TACR1: variants seen among roughly 807,000 people sequenced by gnomAD.
The protein encoded by TACR1 is tachykinin receptor 1, also known as substance-P receptor.
TACR1 carries 25 observed loss-of-function variants against 35.8 expected under a neutral mutation model. That is an observed-to-expected ratio of 0.70 (90% CI 0.51 to 0.98). The LOEUF (loss-of-function observed/expected upper bound fraction) is 0.98, where lower values mean the gene tolerates loss of function less well. Ranked by LOEUF, TACR1 falls within the 50% of genes least tolerant of loss-of-function variation. TACR1 has a pLI of 0.00. For missense variants in TACR1, 478 were observed against 522.9 expected, an observed-to-expected ratio of 0.91 and a Z score of 0.84; for synonymous variants, 195 against 206.7, an observed-to-expected ratio of 0.94 and a Z score of 0.48.
intron 1 of TACR1, among the ~76,000 whole-genome samples, chr2:75,158,845 C>G (rs561272277): frequency 1.3e-5 from 2 of 152,144 alleles, no homozygotes; most frequent in Non-Finnish European, 2.9e-5. Flanking sequence ...TCAAACGGTC[C>G]CATGTCCCAG....
chr2:75,181,735 T>G (rs548420753), intron 1 of TACR1, among the ~76,000 whole-genome samples: 1 of 152,188 alleles, frequency 6.6e-6, no homozygotes, highest in Non-Finnish European at 1.5e-5. Context: ...TTTAGTTTTA[T>G]TCATGGATAA....
chr2:75,181,556 G>T (rs1675559163), intron 1 of TACR1, among the ~76,000 whole-genome samples: 1 of 152,104 alleles, frequency 6.6e-6, no homozygotes, highest in Admixed American at 6.5e-5. Context: ...GCTCTTCTGA[G>T]TATGAAATAA....
chr2:75,179,635 T>C (rs75431022), intron 1 of TACR1, among the ~76,000 whole-genome samples: 5,073 of 152,314 alleles, frequency 0.033, 295 homozygotes, highest in African/African-American at 0.12. Flanking sequence ...TGTGACTAGC[T>C]CTTGGTAATG....
At position 75,068,557 on chromosome 2, in the gene TACR1, A is replaced by G. The variant is rs182799118; in HGVS notation, c.585-14802T>C. Among the ~76,000 whole-genome samples, 3 of 152,344 alleles carry G rather than the reference A, an allele frequency of 2.0e-5. No individual in the cohort carries two copies. In the East Asian group the frequency reaches 5.8e-4, roughly 29 times the overall value. ...CTACCACTACTACCACCATAAACAT[A>G]TTAATAGCTGACACTGATACAGTGT... On this transcript the variant is annotated intron_variant, in intron 2 of 4. Coordinates refer to ENST00000305249, the MANE Select transcript of TACR1 (RefSeq NM_001058.4).
At chr2:75,149,300 GA>G (rs112406339) in intron 1 of TACR1, among the ~76,000 whole-genome samples, 2,416 of 152,196 alleles carry the variant, frequency 0.016, 68 homozygotes, top group African/African-American at 0.055. Context: ...AGTTTGATGG[GA>G]ATAGAAACGA....
rs1283334681 is a variant in TACR1, at chr2:75,120,566, C to T, written c.584+8G>A. ...GTTTCTTTGGCATGGGGAGTCATCT[C>T]TACTCACACTTTCTCATAAATCTTG... On this transcript the variant is annotated splice_region_variant and intron_variant, in intron 2 of 4. Transcript: ENST00000305249. The T allele has an allele frequency of 6.3e-7, 1 of 1,593,572 alleles. No homozygotes were observed. The highest frequency in any genetic ancestry group is 1.3e-5 in the African/African-American group (1 of 74,490).
intron 2 of TACR1, among the ~76,000 whole-genome samples, chr2:75,101,113 G>A (rs959941654): frequency 6.6e-5 from 10 of 151,982 alleles, no homozygotes; most frequent in Non-Finnish European, 1.5e-4. Context: ...CAGAGGACAA[G>A]TTGATTATTC....
intron 2 of TACR1, among the ~76,000 whole-genome samples, chr2:75,116,386 G>A (rs1558558527): frequency 1.3e-5 from 2 of 152,192 alleles, no homozygotes; most frequent in East Asian, 3.9e-4. Context: ...ACAGTCATGA[G>A]CCACTGCACT....
At chr2:75,167,357 A>G (rs1442427425) in intron 1 of TACR1, among the ~76,000 whole-genome samples, 2 of 152,212 alleles carry the variant, frequency 1.3e-5, no homozygotes, top group Admixed American at 6.5e-5. Context: ...AGCATGGTGT[A>G]TATAGGAGGG....
chr2:75,152,705 A>G (rs1294036695), intron 1 of TACR1, among the ~76,000 whole-genome samples: 2 of 152,240 alleles, frequency 1.3e-5, no homozygotes, highest in Non-Finnish European at 2.9e-5. Context: ...TGCTTAATAA[A>G]TGATTGATAA....
Position 75,149,215 on chromosome 2 carries a change from G to T in TACR1, c.390-28447C>A, listed in dbSNP as rs185713899. On this transcript the variant is annotated intron_variant, in intron 1 of 4. Transcript: ENST00000305249. ...GGTAGCATGATGCCTCCAGCCCTTA[G>T]CTATACGGGCTCTTTTTTGGTTCCA... is the stretch of plus-strand genomic sequence containing the variant. Among the ~76,000 whole-genome samples the T allele has an allele frequency of 1.9e-4, 29 of 152,154 alleles. No individual in the cohort carries two copies. In the East Asian group the frequency reaches 5.6e-3, roughly 29 times the overall value.
At chr2:75,178,956 A>C (rs115251391) in intron 1 of TACR1, among the ~76,000 whole-genome samples, 1 of 152,174 alleles carries the variant, frequency 6.6e-6, no homozygotes. Flanking sequence ...GATTGTATAC[A>C]GTCCTATGGT....
chr2:75,174,565 T>C (rs143368444), intron 1 of TACR1, among the ~76,000 whole-genome samples: 39 of 152,322 alleles, frequency 2.6e-4, no homozygotes, highest in African/African-American at 8.9e-4. Flanking sequence ...ATTTTCCATT[T>C]AATATTTTCA....
intron 1 of TACR1, among the ~76,000 whole-genome samples, chr2:75,167,032 A>G (rs558925801): frequency 6.6e-6 from 1 of 152,360 alleles, no homozygotes; most frequent in South Asian, 2.1e-4. Context: ...AGCAATAAAT[A>G]AGACTACATT....
At chr2:75,100,695 G>A (rs888863413) in intron 2 of TACR1, among the ~76,000 whole-genome samples, 8 of 152,304 alleles carry the variant, frequency 5.3e-5, no homozygotes, top group East Asian at 1.9e-4. Context: ...AGCATAGTAC[G>A]TACTATAAAG....
chr2:75,061,729 C>T (rs1186739656), intron 2 of TACR1, among the ~76,000 whole-genome samples: 1 of 152,168 alleles, frequency 6.6e-6, no homozygotes, highest in Non-Finnish European at 1.5e-5. Context: ...CACTTAAATT[C>T]ATGGAAGAAC....
intron 2 of TACR1, among the ~76,000 whole-genome samples, chr2:75,072,469 G>A (rs1438785126): frequency 6.6e-6 from 1 of 152,212 alleles, no homozygotes; most frequent in Non-Finnish European, 1.5e-5. Context: ...GGGCAGAAAA[G>A]TTGAGGTTGG....
chr2:75,060,896 G>A (rs1304145469), intron 2 of TACR1, among the ~76,000 whole-genome samples: 1 of 152,106 alleles, frequency 6.6e-6, no homozygotes, highest in Non-Finnish European at 1.5e-5. Context: ...ACTTGGCTGT[G>A]GATGGCAGAA....
chr2:75,106,264 G>T (rs1558554942), intron 2 of TACR1, among the ~76,000 whole-genome samples: 1 of 151,932 alleles, frequency 6.6e-6, no homozygotes, highest in Non-Finnish European at 1.5e-5. Context: ...AATTATTAAA[G>T]AGAGGGGCAT....
Sources: gnomAD v4.1 joint callset for allele counts (sites outside exome capture counted in the v4.1 genomes callset) on GRCh38, gnomAD v4.1.1 for gene constraint, MANE v1.5 for transcripts, NCBI Gene and HGNC (gene_info 2026-07-23, HGNC 2026-07-21) for gene names.